Variants in ANO10 observed in about 807,000 individuals in gnomAD.
The protein encoded by ANO10 is anoctamin-10.
A neutral mutation model predicts 74.7 loss-of-function variants in ANO10; 77 were observed. The observed-to-expected ratio is 1.03, with a 90% confidence interval of 0.86 to 1.25. ANO10 has a LOEUF of 1.25. ANO10 is among the 50% of genes most tolerant of loss of function. The pLI is 0.00. For missense variants in ANO10, 721 were observed against 778.1 expected, an observed-to-expected ratio of 0.93 and a Z score of 0.87; for synonymous variants, 279 against 284.9, an observed-to-expected ratio of 0.98 and a Z score of 0.21.
At position 43,599,687 on chromosome 3, in the gene ANO10, C is replaced by T. The variant is rs189816624; in HGVS notation, c.337+697G>A. ...TTGGGAGGCCGAGGCAGGCAGAACA[C>T]GAGGTCAGGAGATCGAAATCATCCT... On this transcript the variant is annotated intron_variant, in intron 3 of 12. Coordinates refer to ENST00000292246, the MANE Select transcript of ANO10 (RefSeq NM_018075.5). Among the ~76,000 whole-genome samples, 916 of 152,132 alleles carry T rather than the reference C, an allele frequency of 6.0e-3. 4 individuals are homozygous for T. Among genetic ancestry groups the T allele is most frequent in the Non-Finnish European group, 0.01 (693 of 67,990 alleles).
intron 1 of ANO10, among the ~76,000 whole-genome samples, chr3:43,673,942 T>C (rs1056790156): frequency 6.6e-6 from 1 of 152,096 alleles, no homozygotes; most frequent in Non-Finnish European, 1.5e-5. Flanking sequence ...ATGGCTTCCT[T>C]CTCAGTTTAA....
chr3:43,398,408 A>G (rs1306952749), intron 12 of ANO10, among the ~76,000 whole-genome samples: 1 of 152,246 alleles, frequency 6.6e-6, no homozygotes, highest in Admixed American at 6.5e-5. Flanking sequence ...AAACTTTTTA[A>G]ATAGTTAAAG....
chr3:43,564,673 T>A (rs2080221699), intron 8 of ANO10, among the ~76,000 whole-genome samples: 1 of 152,228 alleles, frequency 6.6e-6, no homozygotes, highest in Non-Finnish European at 1.5e-5. Context: ...GGTGCTTGGA[T>A]ATCTATGTAC....
intron 11 of ANO10, among the ~76,000 whole-genome samples, chr3:43,541,379 T>TACTCATTTGA (rs1171798399): frequency 8.5e-5 from 13 of 152,170 alleles, no homozygotes; most frequent in African/African-American, 3.1e-4. Flanking sequence ...TTTGTAGAAG[T>TACTCATTTGA]AGGTACTCAT....
chr3:43,557,840 A>C (rs1391756473), intron 9 of ANO10, among the ~76,000 whole-genome samples: 1 of 151,430 alleles, frequency 6.6e-6, no homozygotes, highest in East Asian at 1.9e-4. Context: ...TAGGTCAGGC[A>C]TGGTGGCTCA....
chr3:43,479,786 C>T (rs556326723), intron 11 of ANO10, among the ~76,000 whole-genome samples: 1 of 152,248 alleles, frequency 6.6e-6, no homozygotes, highest in African/African-American at 2.4e-5. Context: ...GAGATAGAGC[C>T]TAGGACCTCA....
chr3:43,619,094 G>A (rs540541370), intron 1 of ANO10, among the ~76,000 whole-genome samples: 3 of 152,326 alleles, frequency 2.0e-5, no homozygotes, highest in East Asian at 1.9e-4. Context: ...GTGAGCCACC[G>A]TGCCCAGCTA....
intron 12 of ANO10, among the ~76,000 whole-genome samples, chr3:43,390,843 A>G (rs1273660263): frequency 6.6e-6 from 1 of 152,224 alleles, no homozygotes; most frequent in African/African-American, 2.4e-5. Flanking sequence ...GTGTGTTCCT[A>G]ACCTTGCTGA....
At chr3:43,622,472 G>C (rs186544093), upstream of ANO10, among the ~76,000 whole-genome samples, 5 of 152,302 alleles carry the variant, frequency 3.3e-5, no homozygotes, top group East Asian at 5.8e-4. Context: ...TTAAAGACCA[G>C]AACCTAATTT....
intron 11 of ANO10, among the ~76,000 whole-genome samples, chr3:43,432,944 C>CTTTTTTTTGTTTTTTT (rs2093008814): frequency 1.8e-5 from 1 of 55,276 alleles, no homozygotes; most frequent in Non-Finnish European, 3.3e-5. Context: ...TTGCTTAATT[C>CTTTTTTTTGTTTTTTT]TTTTTTTTTT....
chr3:43,667,087 T>TG (rs2084001533), intron 1 of ANO10, among the ~76,000 whole-genome samples: 1 of 138,476 alleles, frequency 7.2e-6, no homozygotes, highest in Admixed American at 7.3e-5. Context: ...TTTTTTTTTT[T>TG]TTTTTTTTTT....
At chr3:43,554,468 C>G (rs1369381208) in intron 10 of ANO10, among the ~76,000 whole-genome samples, 6 of 152,172 alleles carry the variant, frequency 3.9e-5, no homozygotes, top group Admixed American at 3.9e-4. Flanking sequence ...GCTGGGATTA[C>G]AGGTGTGAGC....
At chr3:43,444,623 C>T (rs1233396555) in intron 11 of ANO10, among the ~76,000 whole-genome samples, 2 of 152,144 alleles carry the variant, frequency 1.3e-5, no homozygotes, top group Non-Finnish European at 2.9e-5. Flanking sequence ...CACTTGTAAA[C>T]CTTAAACTGT....
At chr3:43,599,495 A>T (rs2082237562) in intron 3 of ANO10, among the ~76,000 whole-genome samples, 1 of 152,202 alleles carries the variant, frequency 6.6e-6, no homozygotes. Flanking sequence ...TATTATTATA[A>T]AATTTTTCTA....
intron 1 of ANO10, among the ~76,000 whole-genome samples, chr3:43,642,972 G>A (rs1231869433): frequency 6.6e-6 from 1 of 151,218 alleles, no homozygotes; most frequent in African/African-American, 2.4e-5. Flanking sequence ...AAACAATGTT[G>A]TGTTACATAA....
At position 43,691,025 on chromosome 3, in the gene ANO10, C is replaced by T. The variant is rs762881363; in HGVS notation, c.-12+492G>A. The T allele has an allele frequency of 3.0e-5, 47 of 1,562,816 alleles. No individual in the cohort carries two copies. Among genetic ancestry groups the T allele is most frequent in the Non-Finnish European group, 3.8e-5 (44 of 1,157,006 alleles). Reference sequence around the variant, plus strand: ...CGGAGGAGGAGGAGGTGGACTCTGCCGACACCGGAGAGAGGTAAGCGCAGC... The same window carrying T: ...CGGAGGAGGAGGAGGTGGACTCTGCTGACACCGGAGAGAGGTAAGCGCAGC... On this transcript the variant is annotated intron_variant, in intron 1 of 3. Transcript: ENST00000413397.
At chr3:43,400,942 G>A in intron 12 of ANO10, among the ~76,000 whole-genome samples, 1 of 152,320 alleles carries the variant, frequency 6.6e-6, no homozygotes, top group Admixed American at 6.5e-5. Flanking sequence ...CCTATAGTCT[G>A]ACGTGTCAAG....
Position 43,366,402 on chromosome 3 carries a change from T to C in ANO10, c.*504A>G, listed in dbSNP as rs529754977. The C allele has an allele frequency of 1.3e-5, 3 of 228,204 alleles. No individual in the cohort carries two copies. The highest frequency in any genetic ancestry group is 1.7e-3 in the Middle Eastern group (1 of 604). The allele number at this position is 228,204 out of a possible 1,614,324, so 14.1% of individuals were successfully genotyped here. ...TATGTTGATAAAGGGTCTGTTAATG[T>C]ATTGCAAAAGAGAACCAGGAAAGAG... On this transcript the variant is annotated 3_prime_UTR_variant, in exon 13 of 13. Coordinates refer to ENST00000292246, the MANE Select transcript of ANO10 (RefSeq NM_018075.5).
chr3:43,649,685 T>C (rs1405019830), intron 1 of ANO10, among the ~76,000 whole-genome samples: 1 of 152,144 alleles, frequency 6.6e-6, no homozygotes, highest in African/African-American at 2.4e-5. Flanking sequence ...CCTCAAATCA[T>C]ATAGCTAATA....
Sources: allele counts gnomAD v4.1 joint callset (sites outside exome capture counted in the v4.1 genomes callset), GRCh38; gene constraint gnomAD v4.1.1; transcripts MANE v1.5; gene names NCBI Gene and HGNC (gene_info 2026-07-23, HGNC 2026-07-21).